Variants in CADPS2 observed in about 807,000 individuals in gnomAD.
The protein encoded by CADPS2 is calcium dependent secretion activator 2, also known as calcium-dependent secretion activator 2.
CADPS2 carries 93 observed loss-of-function variants against 172.5 expected under a neutral mutation model. That is an observed-to-expected ratio of 0.54 (90% confidence interval 0.46 to 0.64). The LOEUF is 0.64. CADPS2 is among the 30% of genes least tolerant of loss of function. CADPS2 has a pLI of 0.00. For synonymous variants in CADPS2, 546 were observed against 555.2 expected (o/e 0.98, Z 0.23); for missense variants, 1,420 against 1,565.9 (o/e 0.91, Z 1.57).
chr7:122,546,880 AAAATAT>A (rs2131784199), intron 8 of CADPS2, among the ~76,000 whole-genome samples: 1 of 152,216 alleles, frequency 6.6e-6, no homozygotes, highest in South Asian at 2.1e-4. Flanking sequence ...GCTGTTGGGG[AAAATAT>A]TTTCATGAAT....
chr7:122,695,692 G>T (rs912654751), intron 2 of CADPS2, among the ~76,000 whole-genome samples: 9 of 152,092 alleles, frequency 5.9e-5, no homozygotes, highest in Admixed American at 5.2e-4. Flanking sequence ...AACATCCATA[G>T]AAAATTCTCA....
intron 11 of CADPS2, among the ~76,000 whole-genome samples, chr7:122,482,766 T>C (rs1385719615): frequency 1.3e-5 from 2 of 151,958 alleles, no homozygotes; most frequent in African/African-American, 2.4e-5. Context: ...GAACTGACAG[T>C]TCAGAAGGGT....
At chr7:122,609,102 C>G (rs2073973636) in intron 6 of CADPS2, among the ~76,000 whole-genome samples, 2 of 152,060 alleles carry the variant, frequency 1.3e-5, no homozygotes, top group South Asian at 4.2e-4. Flanking sequence ...TAATGAATTT[C>G]CTTATTTTCC....
At chr7:122,546,052 C>A (rs1466126807) in intron 8 of CADPS2, among the ~76,000 whole-genome samples, 3 of 151,978 alleles carry the variant, frequency 2.0e-5, no homozygotes, top group Non-Finnish European at 2.9e-5. Flanking sequence ...AATGTACTAA[C>A]CTTAAGGATA....
At chr7:122,618,302 A>G (rs750745740) in intron 5 of CADPS2, among the ~76,000 whole-genome samples, 2 of 152,170 alleles carry the variant, frequency 1.3e-5, no homozygotes, top group African/African-American at 4.8e-5. Context: ...TATTGAGTCA[A>G]TTGTGTGCTA....
chr7:122,751,318 C>A (rs962244208), intron 1 of CADPS2, among the ~76,000 whole-genome samples: 1 of 151,942 alleles, frequency 6.6e-6, no homozygotes, highest in African/African-American at 2.4e-5. Context: ...ATGCAAATTT[C>A]TCATTAGAAA....
chr7:122,808,145 T>C (rs1227166862), intron 1 of CADPS2, among the ~76,000 whole-genome samples: 2 of 152,058 alleles, frequency 1.3e-5, no homozygotes, highest in Admixed American at 1.3e-4. Context: ...GTACTAGGAG[T>C]GCTCACGATT....
At chr7:122,728,681 C>A (rs778632041) in intron 2 of CADPS2, among the ~76,000 whole-genome samples, 5 of 151,802 alleles carry the variant, frequency 3.3e-5, no homozygotes, top group Middle Eastern at 3.4e-3. Flanking sequence ...CATTCAGACA[C>A]TTGTGCAACT....
chr7:122,841,590 G>T (rs924716297), intron 1 of CADPS2, among the ~76,000 whole-genome samples: 2 of 152,122 alleles, frequency 1.3e-5, no homozygotes, highest in African/African-American at 2.4e-5. Context: ...TTTCTGTAAA[G>T]ATACTAATTT....
intron 2 of CADPS2, among the ~76,000 whole-genome samples, chr7:122,729,680 T>G (rs2137451799): frequency 6.7e-6 from 1 of 148,244 alleles, no homozygotes; most frequent in South Asian, 2.1e-4. Context: ...TTAACGGTTT[T>G]TTTTTTTTTT....
chr7:122,409,893 C>T (rs1241221738), intron 19 of CADPS2, among the ~76,000 whole-genome samples: 1 of 152,172 alleles, frequency 6.6e-6, no homozygotes, highest in Non-Finnish European at 1.5e-5. Flanking sequence ...CTACAGGGTA[C>T]TAAACAGAAG....
intron 8 of CADPS2, among the ~76,000 whole-genome samples, chr7:122,543,798 A>C (rs1046557574): frequency 1.3e-5 from 2 of 152,190 alleles, no homozygotes; most frequent in Non-Finnish European, 2.9e-5. Context: ...GATAATGTGT[A>C]TCCACTATGT....
rs529413879 is a variant in CADPS2 at position 122,554,565 on chromosome 7, T to C, written c.1460A>G (p.His487Arg). 3.7e-6 allele frequency: 6 copies of C among 1,600,372 alleles called. No homozygotes were observed. The Admixed American group carries it at 7.0e-5, about 19-fold the overall frequency. Residue 487 changes from histidine (H) to arginine (R), a missense_variant, in exon 8 of 30, where the codon CAT becomes CGT. Physicochemically the swap from His to Arg is conservative, Grantham distance 29 (BLOSUM62 0). Coordinates refer to ENST00000449022, the MANE Select transcript of CADPS2 (RefSeq NM_017954.11). ...KLAVRMDKPA[H>R]MKHSGYLYAL... ...TTATACTCACCCACTATGCTTCATA[T>C]GTGCTGGTTTATCCATTCGCACTGC... is the stretch of plus-strand genomic sequence containing the variant.
chr7:122,848,031 T>C (rs530858766), intron 1 of CADPS2, among the ~76,000 whole-genome samples: 4 of 152,366 alleles, frequency 2.6e-5, no homozygotes, highest in Non-Finnish European at 5.9e-5. Flanking sequence ...GGTTTGAACC[T>C]GATCTCATTA....
chr7:122,366,675 A>ACG (rs2040930804), intron 25 of CADPS2: 9 of 127,462 alleles, frequency 7.1e-5, no homozygotes, highest in African/African-American at 2.3e-4. Context: ...ATACATATAT[A>ACG]TATATATACG....
chr7:122,518,779 A>G (rs924888766), intron 8 of CADPS2, among the ~76,000 whole-genome samples: 4 of 152,094 alleles, frequency 2.6e-5, no homozygotes, highest in Non-Finnish European at 5.9e-5. Context: ...GTTTTATGTG[A>G]CAATTTATGA....
At chr7:122,662,538 G>A (rs1328450486) in intron 3 of CADPS2, among the ~76,000 whole-genome samples, 1 of 151,988 alleles carries the variant, frequency 6.6e-6, no homozygotes, top group East Asian at 1.9e-4. Context: ...ACCACGCCCA[G>A]CTAATTTTTC....
intron 20 of CADPS2, among the ~76,000 whole-genome samples, chr7:122,396,460 G>C (rs566603341): frequency 6.6e-6 from 1 of 152,150 alleles, no homozygotes; most frequent in Admixed American, 6.6e-5. Flanking sequence ...TAAGCAGAGG[G>C]GCTTGCTGAA....
chr7:122,569,304 C>T (rs1318980534), intron 7 of CADPS2, among the ~76,000 whole-genome samples: 1 of 151,982 alleles, frequency 6.6e-6, no homozygotes, highest in Non-Finnish European at 1.5e-5. Flanking sequence ...GAATAAAATA[C>T]TTAGGAATCC....
Sources: gnomAD v4.1 joint callset for allele counts (sites outside exome capture counted in the v4.1 genomes callset) on GRCh38, gnomAD v4.1.1 for gene constraint, MANE v1.5 for transcripts, NCBI Gene and HGNC (gene_info 2026-07-23, HGNC 2026-07-21) for gene names.